CDH4: variants seen among roughly 807,000 people sequenced by gnomAD.
CDH4 encodes cadherin-4.
A neutral mutation model predicts 86.0 loss-of-function variants in CDH4; 33 were observed. The ratio of observed to expected loss-of-function variants is 0.38; its 90% confidence interval spans 0.29 to 0.51. The LOEUF (loss-of-function observed/expected upper bound fraction) is 0.51. Among genes scored for constraint, CDH4 ranks in the 20% least tolerant of loss-of-function variants. The probability of loss-of-function intolerance (pLI) is 0.86; values close to 1 mark genes in which losing one functional copy is unlikely to be tolerated. For missense variants in CDH4, 1,114 were observed against 1,307.4 expected (o/e 0.85, Z 2.28); for synonymous variants, 555 against 549.4 (o/e 1.01, Z -0.14).
At chr20:61,572,497 G>T (rs1435882219) in intron 2 of CDH4, among the ~76,000 whole-genome samples, 1 of 152,090 alleles carries the variant, frequency 6.6e-6, no homozygotes, top group African/African-American at 2.4e-5. Flanking sequence ...GTGAGCCTCT[G>T]CCCTCTCTCC....
At chr20:61,298,219 C>T (rs534350627) in intron 2 of CDH4, among the ~76,000 whole-genome samples, 5 of 152,296 alleles carry the variant, frequency 3.3e-5, no homozygotes, top group East Asian at 1.9e-4. Context: ...GACACCAGCA[C>T]GATGACTCAG....
At chr20:61,304,706 G>T (rs1016737183) in intron 2 of CDH4, among the ~76,000 whole-genome samples, 15 of 152,146 alleles carry the variant, frequency 9.9e-5, no homozygotes, top group Non-Finnish European at 1.8e-4. Context: ...GACTATGTAT[G>T]TACTAGAGCC....
chr20:61,522,669 C>T (rs2085879026), intron 2 of CDH4, among the ~76,000 whole-genome samples: 1 of 152,252 alleles, frequency 6.6e-6, no homozygotes, highest in African/African-American at 2.4e-5. Flanking sequence ...CGGCGCAGTC[C>T]GGGTGGGAGC....
intron 2 of CDH4, among the ~76,000 whole-genome samples, chr20:61,640,424 A>G (rs2086993524): frequency 6.6e-6 from 1 of 152,160 alleles, no homozygotes; most frequent in Non-Finnish European, 1.5e-5. Context: ...AAGTAGACAC[A>G]TTTTCCGAGT....
At chr20:61,778,169 A>G (rs1207725070) in intron 4 of CDH4, among the ~76,000 whole-genome samples, 2 of 152,096 alleles carry the variant, frequency 1.3e-5, no homozygotes, top group Non-Finnish European at 1.5e-5. Context: ...ATTTCCATCT[A>G]TAGGAAGCTG....
At chr20:61,276,778 C>T (rs994978895) in intron 2 of CDH4, among the ~76,000 whole-genome samples, 1 of 152,160 alleles carries the variant, frequency 6.6e-6, no homozygotes, top group Admixed American at 6.5e-5. Flanking sequence ...GAGGGAGGCA[C>T]AGGAGCCAGC....
chr20:61,858,710 G>A (rs1223379060), intron 6 of CDH4, among the ~76,000 whole-genome samples: 1 of 152,128 alleles, frequency 6.6e-6, no homozygotes, highest in Non-Finnish European at 1.5e-5. Flanking sequence ...CTGCAGCATC[G>A]TTCTCTGGAT....
intron 2 of CDH4, among the ~76,000 whole-genome samples, chr20:61,548,232 G>A (rs1018133044): frequency 6.6e-6 from 1 of 152,154 alleles, no homozygotes; most frequent in Admixed American, 6.5e-5. Flanking sequence ...GTACAGTTCC[G>A]AGCAGACGGG....
intron 2 of CDH4, among the ~76,000 whole-genome samples, chr20:61,638,045 GA>G (rs1216284638): frequency 1.2e-5 from 1 of 80,312 alleles, no homozygotes; most frequent in Non-Finnish European, 2.5e-5. Context: ...AAAAAATGAA[GA>G]GAGGAGAGGA....
At chr20:61,282,344 G>A (rs552052375) in intron 2 of CDH4, among the ~76,000 whole-genome samples, 44 of 152,144 alleles carry the variant, frequency 2.9e-4, no homozygotes, top group Non-Finnish European at 5.1e-4. Context: ...GGGAGACAGC[G>A]TCAGACTCAG....
intron 4 of CDH4, among the ~76,000 whole-genome samples, chr20:61,835,798 G>C (rs1981845239): frequency 6.6e-6 from 1 of 152,222 alleles, no homozygotes; most frequent in Non-Finnish European, 1.5e-5. Flanking sequence ...GGGCCTCTCT[G>C]TGGCTGAGGC....
intron 4 of CDH4, among the ~76,000 whole-genome samples, chr20:61,830,828 T>C (rs62206314): frequency 0.44 from 67,102 of 152,154 alleles, 16,855 homozygotes; most frequent in Non-Finnish European, 0.58. Context: ...TGGTCGCACG[T>C]GCTGAGTCTC....
chr20:61,486,053 G>A (rs914015150), intron 2 of CDH4, among the ~76,000 whole-genome samples: 1 of 152,228 alleles, frequency 6.6e-6, no homozygotes, highest in Non-Finnish European at 1.5e-5. Flanking sequence ...GAAATGGGGA[G>A]CATTGGCCCG....
At position 61,663,086 on chromosome 20, in the gene CDH4, C is replaced by T. The variant is rs769418604; in HGVS notation, c.170-80477C>T. ...TGGTATTGATGACAATGCTGCCCAG[C>T]GCAGGCAGTGTCGACATGAAGCAAA... On this transcript the variant is annotated intron_variant, in intron 2 of 15. Coordinates refer to ENST00000614565, the MANE Select transcript of CDH4 (RefSeq NM_001794.5). This position sits in a 1 kb window ranked among gnomAD's most constrained non-coding sequence, Gnocchi z 5.0. Among the ~76,000 whole-genome samples the T allele has an allele frequency of 1.4e-4, 21 of 152,166 alleles. No homozygotes were observed. The highest frequency in any genetic ancestry group is 2.4e-4 in the Non-Finnish European group (16 of 68,030).
At chr20:61,627,060 C>T (rs912134489) in intron 2 of CDH4, among the ~76,000 whole-genome samples, 1 of 152,112 alleles carries the variant, frequency 6.6e-6, no homozygotes, top group South Asian at 2.1e-4. Context: ...TCAGAAGAAG[C>T]GTGTTTTGGA....
intron 2 of CDH4, among the ~76,000 whole-genome samples, chr20:61,454,032 G>C (rs749693608): frequency 1.3e-4 from 20 of 152,214 alleles, no homozygotes; most frequent in African/African-American, 4.6e-4. Flanking sequence ...GGAACTGTGA[G>C]TCAATTAAAC....
rs1281098091 is a variant in CDH4, at chr20:61,879,872, C to A, written c.1050+5972C>A. ...TTTTGTTATTAGAAACTGAATCCGG[C>A]CTTCCGGTCCTATCACAAGAGGACT... On this transcript the variant is annotated intron_variant, in intron 7 of 15. Transcript: ENST00000614565. The surrounding 1 kb of genome is among the most constrained non-coding windows in gnomAD (Gnocchi z 4.1). Among the ~76,000 whole-genome samples, 1 of 152,166 alleles carries A rather than the reference C, an allele frequency of 6.6e-6. No homozygotes were observed. Among genetic ancestry groups the A allele is most frequent in the Non-Finnish European group, 1.5e-5 (1 of 68,034 alleles).
intron 8 of CDH4, among the ~76,000 whole-genome samples, chr20:61,904,922 C>G (rs570841632): frequency 6.6e-6 from 1 of 152,334 alleles, no homozygotes; most frequent in Admixed American, 6.5e-5. Context: ...CCTGAAACAC[C>G]GGCTGTGCTG....
chr20:61,800,544 A>G (rs1345501457), intron 4 of CDH4, among the ~76,000 whole-genome samples: 1 of 152,228 alleles, frequency 6.6e-6, no homozygotes, highest in African/African-American at 2.4e-5. Flanking sequence ...CAGAGAGGGT[A>G]AAACACCTGC....
Sources: gnomAD v4.1 joint callset for allele counts (sites outside exome capture counted in the v4.1 genomes callset) on GRCh38, gnomAD v4.1.1 for gene constraint, Gnocchi (gnomAD v3.1) non-coding constraint, MANE v1.5 for transcripts, NCBI Gene and HGNC (gene_info 2026-07-23, HGNC 2026-07-21) for gene names.